GSE1: variants seen among roughly 807,000 people sequenced by gnomAD.
GSE1 encodes genetic suppressor element 1.
A neutral mutation model predicts 112.6 loss-of-function variants in GSE1; 32 were observed. The observed-to-expected ratio is 0.28, with a 90% CI of 0.21 to 0.38. GSE1 has a LOEUF of 0.38. GSE1 is among the 10% of genes least tolerant of loss of function. GSE1 has a pLI of 1.00. For missense variants in GSE1, 2,348 were observed against 1,699.2 expected (o/e 1.38, Z -6.71); for synonymous variants, 1,115 against 735.6 (o/e 1.52, Z -8.35).
intron 2 of GSE1, among the ~76,000 whole-genome samples, chr16:85,411,480 T>C (rs1340409780): frequency 1.6e-4 from 2 of 12,128 alleles, no homozygotes; most frequent in African/African-American, 2.8e-4. Context: ...AGGGCCCCCC[T>C]GGATAATCCT....
intron 1 of GSE1, among the ~76,000 whole-genome samples, chr16:85,303,642 C>T (rs911822159): frequency 2.0e-5 from 3 of 152,242 alleles, no homozygotes; most frequent in African/African-American, 7.2e-5. Flanking sequence ...CGAGGCCGCA[C>T]AGCTGGCCAG....
At chr16:85,399,725 G>A (rs192103948) in intron 2 of GSE1, among the ~76,000 whole-genome samples, 1 of 152,368 alleles carries the variant, frequency 6.6e-6, no homozygotes, top group African/African-American at 2.4e-5. Flanking sequence ...AACGGGCAAG[G>A]ATACCTACAC....
chr16:85,648,860 C>A, intron 3 of GSE1, 109 bp downstream of exon 3: 1 of 588,752 alleles, frequency 1.7e-6, no homozygotes. Flanking sequence ...TTCCAGACAC[C>A]CCCTCCCCCA....
intron 1 of GSE1, among the ~76,000 whole-genome samples, chr16:85,353,519 A>G (rs72811726): frequency 0.027 from 4,094 of 152,188 alleles, 81 homozygotes; most frequent in Non-Finnish European, 0.042. Flanking sequence ...CTTCATCATC[A>G]GGAGAGTTCA....
chr16:85,456,879 G>A (rs113567226), intron 2 of GSE1, among the ~76,000 whole-genome samples: 2,003 of 152,144 alleles, frequency 0.013, 35 homozygotes, highest in African/African-American at 0.045. Context: ...GAGAGACACC[G>A]GCAGGCTGTG....
At chr16:85,463,413 A>G (rs1193465326) in intron 2 of GSE1, among the ~76,000 whole-genome samples, 2 of 152,028 alleles carry the variant, frequency 1.3e-5, no homozygotes, top group Non-Finnish European at 2.9e-5. Context: ...CTGCCCTCAG[A>G]CCCCGTGTAG....
intron 1 of GSE1, among the ~76,000 whole-genome samples, chr16:85,330,506 A>G (rs778215400): frequency 6.6e-6 from 1 of 152,208 alleles, no homozygotes; most frequent in Non-Finnish European, 1.5e-5. Flanking sequence ...TCGTGGTCGC[A>G]TGTTACAGCA....
chr16:85,651,091 C>T lies in GSE1; in HGVS notation c.426+2340C>T, dbSNP rs374100487. 3.1e-3 allele frequency among the ~76,000 whole-genome samples: 432 copies of T among 141,386 alleles called. 4 individuals carry two copies. Among genetic ancestry groups the T allele is most frequent in the East Asian group, 0.011 (49 of 4,622 alleles). The allele number at this position is 141,386 out of a possible 152,430, so 92.8% of individuals were successfully genotyped here. A position where few individuals can be genotyped will look rare whatever the true frequency, so the allele number is the denominator to read the frequency against. On this transcript the variant is annotated intron_variant, in intron 3 of 15. Coordinates refer to ENST00000253458, the MANE Select transcript of GSE1 (RefSeq NM_014615.5). ...TCCGCCCCTCCTCCCCCTCCCCCTCCGCCTTCTTTCTTTCATCGTTGCAGC... is the reference window on the plus strand; with the variant it reads ...TCCGCCCCTCCTCCCCCTCCCCCTCTGCCTTCTTTCTTTCATCGTTGCAGC...
intron 1 of GSE1, among the ~76,000 whole-genome samples, chr16:85,321,729 G>A (rs908028366): frequency 1.1e-4 from 17 of 151,816 alleles, no homozygotes; most frequent in East Asian, 1.9e-4. Context: ...CAGGGGGATC[G>A]CTTGAGCCCA....
At chr16:85,499,886 C>T (rs1220729021) in intron 2 of GSE1, among the ~76,000 whole-genome samples, 1 of 152,124 alleles carries the variant, frequency 6.6e-6, no homozygotes, top group African/African-American at 2.4e-5. Context: ...ATGGGAAAAA[C>T]CTTTTTGGAA....
At chr16:85,648,858 A>G (rs371717722) in intron 3 of GSE1, 107 bp downstream of exon 3, 3 of 574,586 alleles carry the variant, frequency 5.2e-6, no homozygotes, top group East Asian at 3.3e-5. Context: ...CATTCCAGAC[A>G]CCCCCTCCCC....
intron 2 of GSE1, among the ~76,000 whole-genome samples, chr16:85,642,219 G>C (rs1386727834): frequency 6.6e-6 from 1 of 152,292 alleles, no homozygotes; most frequent in Non-Finnish European, 1.5e-5. Context: ...GCTGAGGTGG[G>C]AGGATCACTT....
chr16:85,460,090 C>T (rs2049931809), intron 2 of GSE1, among the ~76,000 whole-genome samples: 1 of 152,222 alleles, frequency 6.6e-6, no homozygotes, highest in African/African-American at 2.4e-5. Flanking sequence ...TGAGCAAGGA[C>T]ACGATGTCCT....
At chr16:85,540,086 G>T (rs959268164) in intron 2 of GSE1, among the ~76,000 whole-genome samples, 2 of 152,234 alleles carry the variant, frequency 1.3e-5, no homozygotes, top group African/African-American at 4.8e-5. Context: ...TCTGTCAGCT[G>T]TTGTGGCTGC....
chr16:85,248,388 T>C (rs1906096643), intron 1 of GSE1, among the ~76,000 whole-genome samples: 1 of 152,076 alleles, frequency 6.6e-6, no homozygotes, highest in African/African-American at 2.4e-5. Context: ...CTCCCCTTTT[T>C]TCCCTCTTCT....
rs1057079207 is a variant in GSE1 at position 85,258,857 on chromosome 16, C to T, written c.2283+87050C>T. On this transcript the variant is annotated intron_variant, in intron 1 of 2. Transcript: ENST00000637419. The stretch of plus-strand genomic sequence containing the variant: ...CCCCAGCCTGACCTCGCCCTCTCCC[C>T]GTTGTTCTGCCCATTGTTCTGCCAA... Among the ~76,000 whole-genome samples, 6 of 152,212 alleles carry T rather than the reference C, an allele frequency of 3.9e-5. No individual in the cohort carries two copies. In the East Asian group the frequency reaches 5.8e-4, roughly 15 times the overall value.
intron 2 of GSE1, among the ~76,000 whole-genome samples, chr16:85,483,912 C>CT (rs2050757746): frequency 6.6e-6 from 1 of 152,268 alleles, no homozygotes; most frequent in Non-Finnish European, 1.5e-5. Flanking sequence ...GGGTACAACT[C>CT]TGCTGCCATC....
intron 2 of GSE1, among the ~76,000 whole-genome samples, chr16:85,521,812 A>G (rs2052195518): frequency 6.6e-6 from 1 of 152,276 alleles, no homozygotes; most frequent in South Asian, 2.1e-4. Context: ...ACCCCATAAA[A>G]TCCGGAGCGC....
At chr16:85,401,831 C>T (rs146259463) in intron 2 of GSE1, among the ~76,000 whole-genome samples, 16 of 152,330 alleles carry the variant, frequency 1.1e-4, no homozygotes, top group Non-Finnish European at 1.5e-4. Flanking sequence ...CCATTCCTGA[C>T]GGGAATGTCT....
Sources: gnomAD v4.1 joint callset for allele counts (sites outside exome capture counted in the v4.1 genomes callset) on GRCh38, gnomAD v4.1.1 for gene constraint, MANE v1.5 for transcripts, NCBI Gene and HGNC (gene_info 2026-07-23, HGNC 2026-07-21) for gene names.